The following WDR49 variants were observed in gnomAD, a reference collection of about 807,000 sequenced individuals.
WDR49 encodes cilia- and flagella-associated protein 337.
In WDR49, 107 loss-of-function variants were observed where a neutral mutation model predicts 119.5. The ratio of observed to expected loss-of-function variants is 0.90; its 90% CI spans 0.77 to 1.05. The LOEUF (loss-of-function observed/expected upper bound fraction) is 1.05, where lower values mean the gene tolerates loss of function less well. Among genes scored for constraint, WDR49 ranks in the 50% least tolerant of loss-of-function variants. The pLI, the probability that WDR49 is intolerant of heterozygous loss-of-function variation, is 0.00. For missense variants in WDR49, 1,240 were observed against 1,220.5 expected, an observed-to-expected ratio of 1.02 and a Z score of -0.24; for synonymous variants, 425 against 418.8, an observed-to-expected ratio of 1.01 and a Z score of -0.18.
At chr3:167,523,857 C>T (rs967977511) in intron 15 of WDR49, among the ~76,000 whole-genome samples, 2 of 152,128 alleles carry the variant, frequency 1.3e-5, no homozygotes, top group African/African-American at 2.4e-5. Context: ...AAAAAACATA[C>T]ATGTGCATGT....
Position 167,482,966 on chromosome 3 carries a change from CAAAAT to C in WDR49, c.3032-3975_3032-3971del, listed in dbSNP as rs539520856. On this transcript the variant is annotated intron_variant, in intron 18 of 18. Coordinates refer to ENST00000682715, the MANE Select transcript of WDR49 (RefSeq NM_001366157.1). ...CTAATAGCAGTATAAGCAAATTTAACAAAATAAAAGTAAGCATAAAGAAAATCATG... is the reference window on the plus strand; with the variant it reads ...CTAATAGCAGTATAAGCAAATTTAACAAAAGTAAGCATAAAGAAAATCATG... Among the ~76,000 whole-genome samples, 623 of 151,872 alleles carry C rather than the reference CAAAAT, an allele frequency of 4.1e-3. 3 individuals carry two copies. Among genetic ancestry groups the C allele is most frequent in the African/African-American group, 0.014 (582 of 41,420 alleles).
At chr3:167,634,982 T>A (rs1211441175) in intron 2 of WDR49, among the ~76,000 whole-genome samples, 1 of 151,880 alleles carries the variant, frequency 6.6e-6, no homozygotes, top group East Asian at 1.9e-4. Flanking sequence ...ACCATAAAGC[T>A]ATGCCTCTTA....
chr3:167,619,026 C>G (rs767327406), intron 5 of WDR49, among the ~76,000 whole-genome samples: 1 of 152,122 alleles, frequency 6.6e-6, no homozygotes, highest in Non-Finnish European at 1.5e-5. Context: ...TCGGAAAAGA[C>G]AATCACAATT....
rs112177793 is a variant in WDR49, at chr3:167,629,065, G to A, written c.166-1773C>T. Among the ~76,000 whole-genome samples, 337 of 152,180 alleles carry A rather than the reference G, an allele frequency of 2.2e-3. 3 individuals are homozygous for A. The highest frequency in any genetic ancestry group is 0.013 in the South Asian group (61 of 4,812). ...TGAGCCCAGAGTTTGAGAAAAGACT[G>A]AGCAACATAGTGAGACTCCATCTCT... On this transcript the variant is annotated intron_variant, in intron 2 of 18. Transcript: ENST00000682715.
chr3:167,645,482 A>AT (rs1297814326), intron 2 of WDR49, among the ~76,000 whole-genome samples: 5 of 152,252 alleles, frequency 3.3e-5, no homozygotes, highest in African/African-American at 9.6e-5. Context: ...AAGTTCTGGG[A>AT]TTACAGGCGT....
chr3:167,641,290 G>A (rs530873891), intron 2 of WDR49, among the ~76,000 whole-genome samples: 2 of 151,864 alleles, frequency 1.3e-5, no homozygotes, highest in Non-Finnish European at 2.9e-5. Context: ...AAGAACATTT[G>A]CTTTCCTTGG....
intron 7 of WDR49, among the ~76,000 whole-genome samples, chr3:167,595,131 G>T (rs1460355719): frequency 6.6e-6 from 1 of 151,922 alleles, no homozygotes; most frequent in Non-Finnish European, 1.5e-5. Flanking sequence ...GCTTCAAAGA[G>T]AATAAAATAC....
intron 10 of WDR49, among the ~76,000 whole-genome samples, chr3:167,552,251 A>G (rs1289036124): frequency 6.6e-6 from 1 of 152,112 alleles, no homozygotes; most frequent in East Asian, 1.9e-4. Flanking sequence ...GGTTTTAAGC[A>G]AGGACATAAC....
intron 15 of WDR49, among the ~76,000 whole-genome samples, chr3:167,523,555 C>A (rs1346483258): frequency 1.3e-5 from 2 of 152,022 alleles, no homozygotes; most frequent in African/African-American, 4.8e-5. Flanking sequence ...CTTTCCCCCA[C>A]CCCGCAACAG....
At chr3:167,570,971 G>A (rs1197582422) in intron 8 of WDR49, among the ~76,000 whole-genome samples, 4 of 150,532 alleles carry the variant, frequency 2.7e-5, no homozygotes, top group African/African-American at 7.4e-5. Flanking sequence ...GTTGCGGTGA[G>A]CCGAGATAGC....
intron 7 of WDR49, among the ~76,000 whole-genome samples, chr3:167,577,781 T>C (rs1207889269): frequency 1.3e-5 from 2 of 152,216 alleles, no homozygotes; most frequent in Non-Finnish European, 2.9e-5. Context: ...AGTTTCTGTT[T>C]AGATGAGTCC....
chr3:167,609,645 C>A (rs1716247601), intron 5 of WDR49, among the ~76,000 whole-genome samples: 3 of 152,168 alleles, frequency 2.0e-5, no homozygotes, highest in Non-Finnish European at 4.4e-5. Flanking sequence ...TAGGTGAGTC[C>A]TTGTGTGGAA....
In WDR49 at chr3:167,509,375, G is replaced by A. The variant is rs144189333; in HGVS notation, c.2775-3959C>T. On this transcript the variant is annotated intron_variant, in intron 16 of 18. Transcript: ENST00000682715. Reference sequence around the variant, plus strand: ...AGGAACTATTCAAAAAGGCTGGGATGTGTTTCTCTTAAAGATGCCATAGGA... The same window carrying A: ...AGGAACTATTCAAAAAGGCTGGGATATGTTTCTCTTAAAGATGCCATAGGA... Among the ~76,000 whole-genome samples, 814 of 152,292 alleles carry A rather than the reference G, an allele frequency of 5.3e-3. 4 individuals are homozygous for A. Among genetic ancestry groups the A allele is most frequent in the Non-Finnish European group, 9.5e-3 (646 of 68,034 alleles).
At chr3:167,557,331 T>C (rs6778707) in intron 9 of WDR49, among the ~76,000 whole-genome samples, 40,930 of 152,122 alleles carry the variant, frequency 0.27, 5,749 homozygotes, top group South Asian at 0.31. Context: ...TCCACAGATA[T>C]ATTCATATAT....
rs1713168968 is a variant in WDR49 at position 167,560,048 on chromosome 3, A to G, written c.1674+16T>C. ...TCTCCTCATATCTGGATAGAAAAGC[A>G]TCATTGTGTTCGCACCTTTACAGTC... On this transcript the variant is annotated intron_variant, in intron 9 of 18. Transcript: ENST00000682715. The G allele has an allele frequency of 6.2e-7, 1 of 1,613,782 alleles. No individual in the cohort carries two copies. Among genetic ancestry groups the G allele is most frequent in the Non-Finnish European group, 8.5e-7 (1 of 1,179,840 alleles).
Position 167,621,490 on chromosome 3 carries a change from A to G in WDR49, c.760T>C (p.Ser254Pro). ...DPLDANESIL[S>P]FGDITGKVQA... Reference sequence around the variant, plus strand: ...ACCTTTCCAGTTATATCCCCAAAAGAAAGAATTGATTCATTGGCATCAAGA... The same window carrying G: ...ACCTTTCCAGTTATATCCCCAAAAGGAAGAATTGATTCATTGGCATCAAGA... The change falls in exon 4 of 19, where the codon TCT becomes CCT. Residue 254 changes from serine to proline, a missense_variant. Physicochemically the swap from Ser to Pro is moderately conservative, Grantham distance 74. Transcript: ENST00000682715. 1 of 1,533,770 alleles carries G rather than the reference A, an allele frequency of 6.5e-7. No homozygotes were observed.
chr3:167,620,183 T>A (rs147734023), intron 5 of WDR49, among the ~76,000 whole-genome samples: 2,508 of 152,162 alleles, frequency 0.016, 30 homozygotes, highest in Non-Finnish European at 0.025. Flanking sequence ...TTCCTTTCTC[T>A]TAAGATTTCT....
At chr3:167,556,352 T>C (rs1289663775) in intron 9 of WDR49, among the ~76,000 whole-genome samples, 1 of 152,146 alleles carries the variant, frequency 6.6e-6, no homozygotes, top group Non-Finnish European at 1.5e-5. Flanking sequence ...GAAACAGTCA[T>C]CATTTACTAG....
intron 18 of WDR49, among the ~76,000 whole-genome samples, chr3:167,488,367 T>C (rs1751004814): frequency 6.6e-6 from 1 of 151,736 alleles, no homozygotes; most frequent in South Asian, 2.1e-4. Context: ...GTAAATATGA[T>C]AAAAACAGTC....
Sources: gnomAD v4.1 joint callset for allele counts (sites outside exome capture counted in the v4.1 genomes callset) on GRCh38, gnomAD v4.1.1 for gene constraint, MANE v1.5 for transcripts, NCBI Gene and HGNC (gene_info 2026-07-23, HGNC 2026-07-21) for gene names.